Variants in SMAGP observed in about 807,000 individuals in gnomAD.
SMAGP encodes the protein small cell transmembrane and glycosylated protein.
Under a neutral mutation model 10.1 loss-of-function variants are expected in SMAGP, and 7 were observed. The ratio of observed to expected loss-of-function variants is 0.70; its 90% CI spans 0.40 to 1.31. The LOEUF (loss-of-function observed/expected upper bound fraction) is 1.31, where lower values mean the gene tolerates loss of function less well. Ranked by LOEUF, SMAGP falls within the 50% of genes most tolerant of loss-of-function variation. The pLI, the probability that SMAGP is intolerant of heterozygous loss-of-function variation, is 0.01. For missense variants in SMAGP, 113 were observed against 116.5 expected (o/e 0.97, Z 0.14); for synonymous variants, 49 against 47.2 (o/e 1.04, Z -0.16).
intron 2 of SMAGP, among the ~76,000 whole-genome samples, chr12:51,254,097 T>C (rs956783973): frequency 6.6e-5 from 10 of 152,298 alleles, no homozygotes; most frequent in African/African-American, 1.9e-4. Context: ...TGCATAGTGG[T>C]GTTGGTGAAG....
intron 2 of SMAGP, among the ~76,000 whole-genome samples, chr12:51,260,655 G>C (rs1157349798): frequency 6.7e-6 from 1 of 148,776 alleles, no homozygotes; most frequent in Non-Finnish European, 1.5e-5. Context: ...TGGGATTACA[G>C]GCGTGAGCCA....
chr12:51,248,173 G>C (rs1944797757), intron 2 of SMAGP, among the ~76,000 whole-genome samples: 1 of 152,112 alleles, frequency 6.6e-6, no homozygotes, highest in Non-Finnish European at 1.5e-5. Context: ...GTGGTCTGGT[G>C]GGCCTATGCT....
At chr12:51,266,147 G>A (rs1004942246) in intron 2 of SMAGP, among the ~76,000 whole-genome samples, 10 of 151,556 alleles carry the variant, frequency 6.6e-5, no homozygotes, top group Admixed American at 2.6e-4. Flanking sequence ...TCAGTTACCC[G>A]TGGTCAACTG....
intron 1 of SMAGP, 200 bp downstream of exon 1, chr12:51,270,056 T>C (rs971203738): frequency 6.6e-6 from 1 of 151,306 alleles, no homozygotes; most frequent in Non-Finnish European, 1.5e-5. Flanking sequence ...CCCCCCGCGT[T>C]ACCAGCACCC....
chr12:51,264,830 G>A (rs1430668849), intron 2 of SMAGP, among the ~76,000 whole-genome samples: 2 of 150,904 alleles, frequency 1.3e-5, no homozygotes, highest in African/African-American at 4.9e-5. Flanking sequence ...TACTCAGGAG[G>A]TTGAGGCAGG....
intron 2 of SMAGP, among the ~76,000 whole-genome samples, chr12:51,250,791 T>C (rs1944830718): frequency 1.3e-5 from 2 of 152,160 alleles, no homozygotes; most frequent in South Asian, 4.1e-4. Context: ...GCCTCTCCTC[T>C]GGTATATGGG....
Position 51,270,384 on chromosome 12 carries a change from A to C in SMAGP, c.-167T>G. On this transcript the variant is annotated 5_prime_UTR_variant, in exon 1 of 4. Coordinates refer to ENST00000603798, the MANE Select transcript of SMAGP (RefSeq NM_001031628.2). ...CCGAACGAGGACCCCGAGCGGAGGA[A>C]GCCGCGGGTGGCGCGCGGGGTTGGC... is the stretch of plus-strand genomic sequence containing the variant. 4.3e-5 allele frequency: 9 copies of C among 210,210 alleles called. No individual in the cohort carries two copies. The highest frequency in any genetic ancestry group is 5.6e-5 in the Non-Finnish European group (6 of 106,308). 13.0% of individuals were successfully genotyped at this position (210,210 alleles called of 1,614,324 possible). A position where few individuals can be genotyped will look rare whatever the true frequency, so the allele number is the denominator to read the frequency against.
chr12:51,267,719 T>G (rs1274279542), intron 2 of SMAGP, among the ~76,000 whole-genome samples: 1 of 152,060 alleles, frequency 6.6e-6, no homozygotes, highest in East Asian at 1.9e-4. Context: ...GATCTCGAAC[T>G]CCTGAGCTCA....
At position 51,252,874 on chromosome 12, in the gene SMAGP, T is replaced by C. The variant is rs958798395; in HGVS notation, c.35-6043A>G. On this transcript the variant is annotated intron_variant, in intron 2 of 3. Coordinates refer to ENST00000603798, the MANE Select transcript of SMAGP (RefSeq NM_001031628.2). ...AGGAGCAGTGGAGCCTTTGGGGACA[T>C]GGGGGAAGTGAGCTCAAGAGAAGCA... 2.6e-5 allele frequency among the ~76,000 whole-genome samples: 4 copies of C among 151,990 alleles called. No homozygotes were observed. The South Asian group carries it at 6.2e-4, about 24-fold the overall frequency.
chr12:51,257,007 G>A (rs1253486030), intron 2 of SMAGP, among the ~76,000 whole-genome samples: 1 of 152,080 alleles, frequency 6.6e-6, no homozygotes, highest in African/African-American at 2.4e-5. Context: ...ATACAAACCC[G>A]TAATTTAGGG....
intron 2 of SMAGP, among the ~76,000 whole-genome samples, chr12:51,253,938 T>G (rs1371482375): frequency 6.6e-6 from 1 of 152,176 alleles, no homozygotes; most frequent in Non-Finnish European, 1.5e-5. Flanking sequence ...CATTGTATGA[T>G]TCCACTTATA....
intron 2 of SMAGP, among the ~76,000 whole-genome samples, chr12:51,248,066 G>A (rs915250394): frequency 6.6e-6 from 1 of 152,170 alleles, no homozygotes. Flanking sequence ...GGGACTCAAA[G>A]GCCAGCGTGG....
At chr12:51,255,982 G>C (rs992680859) in intron 2 of SMAGP, among the ~76,000 whole-genome samples, 4 of 152,210 alleles carry the variant, frequency 2.6e-5, no homozygotes, top group Admixed American at 1.3e-4. Flanking sequence ...TGTTGGCCAG[G>C]CTGGTCTTGA....
Position 51,246,801 on chromosome 12 carries a change from G to A in SMAGP, c.65C>T (p.Pro22Leu), listed in dbSNP as rs1310482592. Residue 22 changes from proline (P) to leucine (L), a missense_variant, in exon 3 of 4, where the codon CCC (proline) becomes CTC (leucine). Pro to Leu is a moderately conservative substitution (Grantham distance 98). Coordinates refer to ENST00000603798, the MANE Select transcript of SMAGP (RefSeq NM_001031628.2). ...ATCTTCTGGGGACAGGGCCTCAGTGGGCTGTAAAATTGGGGTGGTCATCAG... is the reference window on the plus strand; with the variant it reads ...ATCTTCTGGGGACAGGGCCTCAGTGAGCTGTAAAATTGGGGTGGTCATCAG... ...EELMTTPILQ[P>L]TEALSPEDGA... is the part of the protein sequence containing the mutation. 1.9e-6 allele frequency: 3 copies of A among 1,581,418 alleles called. No individual in the cohort carries two copies. Among genetic ancestry groups the A allele is most frequent in the South Asian group, 1.2e-5 (1 of 85,712 alleles).
chr12:51,259,669 C>T (rs1944915602), intron 2 of SMAGP, among the ~76,000 whole-genome samples: 1 of 152,182 alleles, frequency 6.6e-6, no homozygotes, highest in Admixed American at 6.6e-5. Context: ...TCCAAAACAG[C>T]AGCAGGAGTT....
intron 2 of SMAGP, among the ~76,000 whole-genome samples, chr12:51,249,198 A>G (rs1223579609): frequency 6.6e-6 from 1 of 152,224 alleles, no homozygotes; most frequent in African/African-American, 2.4e-5. Context: ...CTCACCCTAC[A>G]CATGTCCTCA....
At position 51,245,420 on chromosome 12, in the gene SMAGP, AAAGG is replaced by A. The variant is rs1292500095; in HGVS notation, c.*517_*520del. ...AGCATGAGGTTGTTGGGGAACACGG[AAAGG>A]AAGGGCTCAGATTAGGGGGTGTAGC... On this transcript the variant is annotated 3_prime_UTR_variant, in exon 4 of 4. Coordinates refer to ENST00000603798, the MANE Select transcript of SMAGP (RefSeq NM_001031628.2). 2 of 152,862 alleles carry A rather than the reference AAAGG, an allele frequency of 1.3e-5. No homozygotes were observed. Among genetic ancestry groups the A allele is most frequent in the Non-Finnish European group, 2.9e-5 (2 of 68,238 alleles). 9.5% of individuals were successfully genotyped at this position (152,862 alleles called of 1,614,324 possible).
intron 3 of SMAGP, 100 bp from the exon 4 acceptor site, chr12:51,246,219 T>C: frequency 6.6e-7 from 1 of 1,510,342 alleles, no homozygotes; most frequent in Admixed American, 2.1e-5. Flanking sequence ...GTAAAGATCC[T>C]CTTGTTTTCA....
chr12:51,253,028 A>G (rs1024630918), intron 2 of SMAGP, among the ~76,000 whole-genome samples: 11 of 152,142 alleles, frequency 7.2e-5, no homozygotes, highest in African/African-American at 2.7e-4. Context: ...AGGGGTCGGG[A>G]ACCTGAAGGG....
Sources: gnomAD v4.1 joint callset for allele counts (sites outside exome capture counted in the v4.1 genomes callset) on GRCh38, gnomAD v4.1.1 for gene constraint, MANE v1.5 for transcripts, NCBI Gene and HGNC (gene_info 2026-07-23, HGNC 2026-07-21) for gene names.